Variants in PTPN11 observed in about 807,000 individuals in gnomAD.
PTPN11 encodes the protein protein tyrosine phosphatase non-receptor type 11.
PTPN11 carries 6 observed loss-of-function variants against 78.8 expected under a neutral mutation model. The ratio of observed to expected loss-of-function variants is 0.08; its 90% CI spans 0.04 to 0.15. The LOEUF (loss-of-function observed/expected upper bound fraction) is 0.15, where lower values mean the gene tolerates loss of function less well. Among genes scored for constraint, PTPN11 ranks in the 10% least tolerant of loss-of-function variants. PTPN11 has a pLI of 1.00. For synonymous variants in PTPN11, 221 were observed against 263.5 expected (o/e 0.84, Z 1.56); for missense variants, 386 against 744.8 (o/e 0.52, Z 5.61).
rs552070582 is a variant in PTPN11 at position 112,478,818 on chromosome 12, C to T, written c.1092+803C>T. On this transcript the variant is annotated intron_variant, in intron 9 of 15. Transcript: ENST00000351677. Reference sequence around the variant, plus strand: ...GCATGATCTCAGCTCACTGCAGCCTCTGCCTCCCGGTTCAAATGATTCTCA... The same window carrying T: ...GCATGATCTCAGCTCACTGCAGCCTTTGCCTCCCGGTTCAAATGATTCTCA... Among the ~76,000 whole-genome samples the T allele has an allele frequency of 2.6e-5, 4 of 152,294 alleles. No homozygotes were observed. In the South Asian group the frequency reaches 8.3e-4, roughly 32 times the overall value.
At chr12:112,462,069 T>C (rs142365355) in intron 6 of PTPN11, among the ~76,000 whole-genome samples, 2 of 152,330 alleles carry the variant, frequency 1.3e-5, no homozygotes, top group African/African-American at 2.4e-5. Flanking sequence ...GTCAAGTTAC[T>C]GTATTCTGCT....
At chr12:112,493,546 G>A (rs961803279) in intron 13 of PTPN11, among the ~76,000 whole-genome samples, 1 of 151,488 alleles carries the variant, frequency 6.6e-6, no homozygotes, top group Non-Finnish European at 1.5e-5. Context: ...CCGCCACCAT[G>A]CCTGGCTAAT....
chr12:112,485,295 A>G (rs1265828119), intron 10 of PTPN11, among the ~76,000 whole-genome samples: 1 of 152,182 alleles, frequency 6.6e-6, no homozygotes, highest in Non-Finnish European at 1.5e-5. Flanking sequence ...CTACATATAT[A>G]GGAAGAAGAT....
At chr12:112,426,114 C>G (rs1425829300) in intron 1 of PTPN11, among the ~76,000 whole-genome samples, 1 of 152,308 alleles carries the variant, frequency 6.6e-6, no homozygotes, top group South Asian at 2.1e-4. Flanking sequence ...TATTCAGCAT[C>G]ATTGTATTTT....
At chr12:112,476,313 C>T (rs569013501) in intron 7 of PTPN11, among the ~76,000 whole-genome samples, 2 of 152,280 alleles carry the variant, frequency 1.3e-5, no homozygotes, top group Admixed American at 1.3e-4. Flanking sequence ...GCAAAAAAGA[C>T]ATTATTCTTT....
intron 6 of PTPN11, among the ~76,000 whole-genome samples, chr12:112,460,802 A>G (rs550109018): frequency 6.6e-6 from 1 of 152,350 alleles, no homozygotes; most frequent in South Asian, 2.1e-4. Flanking sequence ...AGATCGCGCC[A>G]CTGCACTCCA....
intron 2 of PTPN11, among the ~76,000 whole-genome samples, chr12:112,446,898 C>T (rs2038001664): frequency 6.6e-6 from 1 of 151,698 alleles, no homozygotes; most frequent in South Asian, 2.1e-4. Context: ...CAAGCTGTTG[C>T]TCTGTTGCCC....
At chr12:112,469,541 G>A (rs2038381671) in intron 6 of PTPN11, among the ~76,000 whole-genome samples, 1 of 151,788 alleles carries the variant, frequency 6.6e-6, no homozygotes, top group African/African-American at 2.4e-5. Context: ...TTGAGACAGG[G>A]TCTTGCTCTG....
chr12:112,451,311 T>C (rs1419970206), intron 3 of PTPN11, among the ~76,000 whole-genome samples: 2 of 152,194 alleles, frequency 1.3e-5, no homozygotes, highest in African/African-American at 4.8e-5. Flanking sequence ...ACAGTTTATT[T>C]CTAAATTTTA....
rs1437739198 is a variant in PTPN11, at chr12:112,489,186, G to A, written c.1599+11G>A. 1.9e-6 allele frequency: 3 copies of A among 1,614,092 alleles called. No homozygotes were observed. Among genetic ancestry groups the A allele is most frequent in the Non-Finnish European group, 2.5e-6 (3 of 1,179,944 alleles). On this transcript the variant is annotated intron_variant, in intron 13 of 15. Coordinates refer to ENST00000351677, the MANE Select transcript of PTPN11 (RefSeq NM_002834.5). ...ATTGAAGAAGAGCAGGTACCAGCCT[G>A]AGGGCTGGCATGCGGATTCTCATTC...
chr12:112,437,873 A>AT (rs1215483000), intron 1 of PTPN11, among the ~76,000 whole-genome samples: 5 of 151,362 alleles, frequency 3.3e-5, no homozygotes, highest in Non-Finnish European at 5.9e-5. Context: ...GGCTCCCTCT[A>AT]TTTTTTTTAA....
At chr12:112,448,960 G>A (rs1478514791) in intron 2 of PTPN11, among the ~76,000 whole-genome samples, 1 of 151,322 alleles carries the variant, frequency 6.6e-6, no homozygotes, top group Non-Finnish European at 1.5e-5. Context: ...GATCTCGGCC[G>A]ACTGCAACTT....
rs1315856412 is a variant in PTPN11 at position 112,508,398 on chromosome 12, C to G, written c.*2606C>G. On this transcript the variant is annotated 3_prime_UTR_variant, in exon 16 of 16. Coordinates refer to ENST00000351677, the MANE Select transcript of PTPN11 (RefSeq NM_002834.5). ...AGAGAGGCTGGGATGATGGAGAAAG[C>G]TCGAGGTGAAGTTTTAAAAAAAAAG... 2 of 152,082 alleles carry G rather than the reference C, an allele frequency of 1.3e-5. No homozygotes were observed. The highest frequency in any genetic ancestry group is 2.9e-5 in the Non-Finnish European group (2 of 68,038). 9.4% of individuals were successfully genotyped at this position (152,082 alleles called of 1,614,324 possible). A position where few individuals can be genotyped will look rare whatever the true frequency, so the allele number is the denominator to read the frequency against.
At chr12:112,470,828 T>C (rs979841253) in intron 6 of PTPN11, among the ~76,000 whole-genome samples, 1 of 152,254 alleles carries the variant, frequency 6.6e-6, no homozygotes, top group South Asian at 2.1e-4. Context: ...TTCAGTTCAG[T>C]GTTTGAACTT....
At chr12:112,421,811 A>G (rs2037525960) in intron 1 of PTPN11, among the ~76,000 whole-genome samples, 1 of 152,018 alleles carries the variant, frequency 6.6e-6, no homozygotes, top group East Asian at 1.9e-4. Context: ...ATTTTTTTAT[A>G]GAGACAGGGT....
chr12:112,478,216 C>G (rs1278063772), intron 9 of PTPN11, among the ~76,000 whole-genome samples: 1 of 151,912 alleles, frequency 6.6e-6, no homozygotes, highest in East Asian at 1.9e-4. Flanking sequence ...TGTTGAGCTT[C>G]TTGGCTCCAT....
At chr12:112,427,065 G>A (rs1383808403) in intron 1 of PTPN11, among the ~76,000 whole-genome samples, 1 of 152,068 alleles carries the variant, frequency 6.6e-6, no homozygotes, top group African/African-American at 2.4e-5. Context: ...GGTAACGTGG[G>A]TGAAACCCTG....
Position 112,469,248 on chromosome 12 carries a change from A to G in PTPN11, c.757-3696A>G, listed in dbSNP as rs1247211109. 2.0e-5 allele frequency among the ~76,000 whole-genome samples: 3 copies of G among 152,266 alleles called. No homozygotes were observed. The East Asian group carries it at 5.8e-4, about 29-fold the overall frequency. ...TCACGGTAGGTAAGATGAATTAGCAAATGAGAAAGGCTTTCTCTTTTTCAT... is the reference window on the plus strand; with the variant it reads ...TCACGGTAGGTAAGATGAATTAGCAGATGAGAAAGGCTTTCTCTTTTTCAT... On this transcript the variant is annotated intron_variant, in intron 6 of 15. Transcript: ENST00000351677.
chr12:112,491,706 CT>C (rs1270370792), intron 13 of PTPN11, among the ~76,000 whole-genome samples: 2 of 151,992 alleles, frequency 1.3e-5, no homozygotes, highest in African/African-American at 4.8e-5. Context: ...TATAATGTAT[CT>C]TTTTTCTCTT....
Sources: gnomAD v4.1 joint callset for allele counts (sites outside exome capture counted in the v4.1 genomes callset) on GRCh38, gnomAD v4.1.1 for gene constraint, MANE v1.5 for transcripts, NCBI Gene and HGNC (gene_info 2026-07-23, HGNC 2026-07-21) for gene names.